ZMAT4: variants seen among roughly 807,000 people sequenced by gnomAD.
ZMAT4 encodes zinc finger matrin-type 4, also known as zinc finger matrin-type protein 4.
In ZMAT4, 17 loss-of-function variants were observed where a neutral mutation model predicts 28.7. That is an observed-to-expected ratio of 0.59 (90% confidence interval 0.41 to 0.89). The LOEUF (loss-of-function observed/expected upper bound fraction) is 0.89. Ranked by LOEUF, ZMAT4 falls within the 40% of genes least tolerant of loss-of-function variation. The pLI is 0.00. For missense variants in ZMAT4, 240 were observed against 283.8 expected (o/e 0.85, Z 1.11); for synonymous variants, 117 against 109.2 (o/e 1.07, Z -0.44).
chr8:40,841,055 G>A (rs1199159820), intron 1 of ZMAT4, among the ~76,000 whole-genome samples: 1 of 152,218 alleles, frequency 6.6e-6, no homozygotes, highest in Non-Finnish European at 1.5e-5. Flanking sequence ...GTTGGATGCT[G>A]GCGTCAGGGG....
intron 2 of ZMAT4, among the ~76,000 whole-genome samples, chr8:40,788,356 A>G (rs1814171701): frequency 2.6e-5 from 4 of 152,156 alleles, no homozygotes; most frequent in Admixed American, 2.6e-4. Context: ...AGGCCGGGGC[A>G]GGCGGATCAC....
At chr8:40,567,203 C>T (rs541823525) in intron 6 of ZMAT4, among the ~76,000 whole-genome samples, 100 of 152,160 alleles carry the variant, frequency 6.6e-4, no homozygotes, top group African/African-American at 2.2e-3. Flanking sequence ...TGAAAGCGAA[C>T]TTTATAGATT....
intron 6 of ZMAT4, among the ~76,000 whole-genome samples, chr8:40,576,388 A>G (rs1585705776): frequency 6.6e-6 from 1 of 152,142 alleles, no homozygotes; most frequent in African/African-American, 2.4e-5. Context: ...TCAAAAGTCA[A>G]AGACAAAGAG....
At chr8:40,730,968 A>G (rs538081392) in intron 3 of ZMAT4, among the ~76,000 whole-genome samples, 2 of 152,202 alleles carry the variant, frequency 1.3e-5, no homozygotes, top group Non-Finnish European at 2.9e-5. Context: ...TCCCAGCCAC[A>G]GCCCCATAGC....
intron 5 of ZMAT4, among the ~76,000 whole-genome samples, chr8:40,618,672 A>C (rs28433404): frequency 0.04 from 6,063 of 151,654 alleles, 389 homozygotes; most frequent in African/African-American, 0.14. Flanking sequence ...AAAAAAAAAA[A>C]AGAAATGACT....
At chr8:40,831,700 C>T (rs181762262) in intron 1 of ZMAT4, among the ~76,000 whole-genome samples, 382 of 152,324 alleles carry the variant, frequency 2.5e-3, no homozygotes, top group Non-Finnish European at 4.2e-3. Flanking sequence ...GACTCATGGA[C>T]ACTTCAACTG....
intron 1 of ZMAT4, among the ~76,000 whole-genome samples, chr8:40,842,390 G>C (rs552682696): frequency 6.6e-6 from 1 of 152,210 alleles, no homozygotes; most frequent in Admixed American, 6.5e-5. Flanking sequence ...TCCTTCAAGG[G>C]TCTTGTAATC....
intron 5 of ZMAT4, among the ~76,000 whole-genome samples, chr8:40,662,483 G>A (rs1808244313): frequency 6.6e-6 from 1 of 152,148 alleles, no homozygotes; most frequent in African/African-American, 2.4e-5. Context: ...AATGGATGCA[G>A]TAGTGCAAAA....
At chr8:40,840,170 C>T (rs1364871032) in intron 1 of ZMAT4, among the ~76,000 whole-genome samples, 2 of 152,192 alleles carry the variant, frequency 1.3e-5, no homozygotes, top group Non-Finnish European at 2.9e-5. Context: ...GGCACTCAGC[C>T]TTCAGCAGCC....
At chr8:40,731,359 A>G (rs918406942) in intron 3 of ZMAT4, among the ~76,000 whole-genome samples, 1 of 152,158 alleles carries the variant, frequency 6.6e-6, no homozygotes, top group Non-Finnish European at 1.5e-5. Flanking sequence ...AAAAGACCTG[A>G]GAAGACTTTA....
chr8:40,784,794 G>A (rs766824538), intron 2 of ZMAT4, among the ~76,000 whole-genome samples: 1 of 152,288 alleles, frequency 6.6e-6, no homozygotes. Flanking sequence ...GAGCTGCAGA[G>A]AGCTGCCTTG....
intron 5 of ZMAT4, among the ~76,000 whole-genome samples, chr8:40,638,309 C>T (rs1182534394): frequency 1.3e-5 from 2 of 152,202 alleles, no homozygotes; most frequent in Non-Finnish European, 2.9e-5. Context: ...TGTATCAAAA[C>T]ATCACCTTGT....
intron 3 of ZMAT4, among the ~76,000 whole-genome samples, chr8:40,737,734 G>A (rs1339384919): frequency 2.0e-5 from 3 of 152,088 alleles, no homozygotes; most frequent in South Asian, 2.1e-4. Flanking sequence ...TACATATAGC[G>A]GAAAATCGCA....
At chr8:40,708,494 A>C (rs985569135) in intron 3 of ZMAT4, among the ~76,000 whole-genome samples, 4 of 152,012 alleles carry the variant, frequency 2.6e-5, no homozygotes, top group Non-Finnish European at 5.9e-5. Context: ...GGGAGAGTGG[A>C]GCTAATACAC....
At chr8:40,686,560 G>A (rs1463491136) in intron 4 of ZMAT4, among the ~76,000 whole-genome samples, 1 of 152,074 alleles carries the variant, frequency 6.6e-6, no homozygotes, top group Non-Finnish European at 1.5e-5. Flanking sequence ...TTTGACCCCA[G>A]GAAGCTGCAG....
chr8:40,859,032 C>A (rs1298706261), intron 1 of ZMAT4, among the ~76,000 whole-genome samples: 2 of 152,190 alleles, frequency 1.3e-5, no homozygotes, highest in African/African-American at 4.8e-5. Context: ...CTGCCATCAC[C>A]CTTGAGGAGC....
At chr8:40,656,125 G>A (rs1057462537) in intron 5 of ZMAT4, among the ~76,000 whole-genome samples, 4 of 151,964 alleles carry the variant, frequency 2.6e-5, no homozygotes, top group Non-Finnish European at 5.9e-5. Context: ...TAACTCAATT[G>A]AAGACCAAGT....
rs1809933720 is a variant in ZMAT4, at chr8:40,697,328, A to G, written c.266T>C (p.Val89Ala). The change falls in exon 4 of 7, where the codon GTG becomes GCG. Residue 89 changes from valine to alanine, a missense_variant. By Grantham distance (64) the Val-to-Ala change is moderately conservative (BLOSUM62 0). Coordinates refer to ENST00000297737, the MANE Select transcript of ZMAT4 (RefSeq NM_024645.3). The part of the protein sequence containing the change: ...LCNMSFTSAV[V>A]ADSHYQGKIH... ...TTTGCCTTGATAATGGGAATCGGCC[A>G]CCACCGCTGAAGTGAATGACATGTT... The G allele has an allele frequency of 1.2e-6, 2 of 1,613,914 alleles. No homozygotes were observed.
intron 5 of ZMAT4, among the ~76,000 whole-genome samples, chr8:40,603,872 T>G (rs561504717): frequency 6.6e-6 from 1 of 152,350 alleles, no homozygotes; most frequent in Non-Finnish European, 1.5e-5. Flanking sequence ...TCTCGTGATC[T>G]GCCCACCTTG....
Sources: gnomAD v4.1 joint callset for allele counts (sites outside exome capture counted in the v4.1 genomes callset) on GRCh38, gnomAD v4.1.1 for gene constraint, MANE v1.5 for transcripts, NCBI Gene and HGNC (gene_info 2026-07-23, HGNC 2026-07-21) for gene names.